The following AMER1 variants were observed in gnomAD, a reference collection of about 807,000 sequenced individuals.
AMER1 encodes APC membrane recruitment protein 1.
Under a neutral mutation model 53.0 loss-of-function variants are expected in AMER1, and 16 were observed. The ratio of observed to expected loss-of-function variants is 0.30; its 90% CI spans 0.20 to 0.46. The LOEUF is 0.46. Ranked by LOEUF, AMER1 falls within the 20% of genes least tolerant of loss-of-function variation. The probability of loss-of-function intolerance (pLI) is 1.00; values close to 1 mark genes in which losing one functional copy is unlikely to be tolerated. For missense variants in AMER1, 947 were observed against 884.9 expected (o/e 1.07, Z -0.89); for synonymous variants, 354 against 331.9 (o/e 1.07, Z -0.73).
chrX:64,198,016 G>T (rs1200256776), intron 1 of AMER1, among the ~76,000 whole-genome samples: 5 of 112,373 alleles, frequency 4.4e-5, no homozygotes, highest in African/African-American at 1.6e-4. Context: ...ATCTCAGTCA[G>T]GTTGAGTAGG....
In AMER1 at chrX:64,190,620, G is replaced by A. The variant is rs2147085567; in HGVS notation, c.2667C>T (p.Leu889=). The A allele has an allele frequency of 2.5e-6, 3 of 1,211,902 alleles. No homozygotes were observed. The African/African-American group carries it at 5.2e-5, about 21-fold the overall frequency. ...HPRPPPAAMA[L]NRRSRSLDTA... ...TGTCGAGAGAGCGGCTTCTCCTGTT[G>A]AGGGCCATAGCAGCAGGTGGAGGTC... The change falls in exon 2 of 2, where the codon CTC becomes CTT. Residue 889 remains leucine (L), a synonymous_variant. Transcript: ENST00000374869.
chrX:64,191,314 G>A lies in AMER1; in HGVS notation c.1973C>T (p.Pro658Leu), dbSNP rs773774270. The change falls in exon 2 of 2, where the codon CCC becomes CTC. Residue 658 changes from proline to leucine, a missense_variant. By Grantham distance (98) the Pro-to-Leu change is moderately conservative (BLOSUM62 -3). Transcript: ENST00000374869. Reference sequence around the variant, plus strand: ...CAGGCCCATCACTGATGGGCCTAAGGGCCTCATCTGATACTCTAAGACGGG... The same window carrying A: ...CAGGCCCATCACTGATGGGCCTAAGAGCCTCATCTGATACTCTAAGACGGG... ...EKPVLEYQMR[P>L]LGPSVMGLAA... The A allele has an allele frequency of 3.3e-6, 4 of 1,211,493 alleles. No homozygotes were observed. Among genetic ancestry groups the A allele is most frequent in the Admixed American group, 4.3e-5 (2 of 46,062 alleles).
chrX:64,194,582 G>T (rs1416037340), intron 1 of AMER1, among the ~76,000 whole-genome samples: 1 of 111,235 alleles, frequency 9.0e-6, no homozygotes, highest in Admixed American at 9.6e-5. Flanking sequence ...TCACCAATTT[G>T]TCCCCTCTCT....
intron 1 of AMER1, among the ~76,000 whole-genome samples, chrX:64,198,970 C>G (rs1430777974): frequency 8.9e-6 from 1 of 112,702 alleles, no homozygotes; most frequent in Non-Finnish European, 1.9e-5. Context: ...ATTTTTAACA[C>G]CCATAGCCAA....
rs2147087711 is a variant in AMER1 at position 64,191,620 on chromosome X, G to C, written c.1667C>G (p.Thr556Arg). ...GATGGTCACTAGCCGTTCTTCCTCTGTCTCCATTGCCCCAGGTGGCCGGGA... is the reference window on the plus strand; with the variant it reads ...GATGGTCACTAGCCGTTCTTCCTCTCTCTCCATTGCCCCAGGTGGCCGGGA... Reference protein sequence around the residue: ...LSSRPPGAMETEEERLVTIQK... With the variant: ...LSSRPPGAMEREEERLVTIQK... Residue 556 changes from threonine (T) to arginine (R), a missense_variant, in exon 2 of 2, where the codon ACA becomes AGA. Coordinates refer to ENST00000374869, the MANE Select transcript of AMER1 (RefSeq NM_152424.4). The C allele has an allele frequency of 1.6e-6, 2 of 1,212,394 alleles. No homozygotes were observed. Among genetic ancestry groups the C allele is most frequent in the Non-Finnish European group, 2.2e-6 (2 of 895,678 alleles).
chrX:64,188,000 C>A lies in AMER1; in HGVS notation c.*1879G>T. On this transcript the variant is annotated 3_prime_UTR_variant, in exon 2 of 2. Coordinates refer to ENST00000374869, the MANE Select transcript of AMER1 (RefSeq NM_152424.4). The stretch of plus-strand genomic sequence containing the variant: ...GTGCTTCCAGGGGTGCAGCTTCTAC[C>A]AGCCAGGTCTGCTATTTGTGAGTAA... The A allele has an allele frequency of 3.2e-5, 25 of 781,544 alleles. No individual in the cohort carries two copies. The highest frequency in any genetic ancestry group is 3.8e-5 in the Non-Finnish European group (25 of 655,432). The allele number at this position is 781,544 out of a possible 1,213,427, so 64.4% of individuals were successfully genotyped here.
intron 1 of AMER1, among the ~76,000 whole-genome samples, chrX:64,201,754 C>T: frequency 8.9e-6 from 1 of 112,390 alleles, no homozygotes; most frequent in Admixed American, 9.4e-5. Context: ...TTCTACCTGC[C>T]AGGCTTGCTA....
At chrX:64,200,084 G>A (rs1930454205) in intron 1 of AMER1, among the ~76,000 whole-genome samples, 1 of 112,687 alleles carries the variant, frequency 8.9e-6, no homozygotes, top group Non-Finnish European at 1.9e-5. Flanking sequence ...GAATGACAGG[G>A]ACTTTGGGAG....
chrX:64,199,363 C>A (rs1930439680), intron 1 of AMER1, among the ~76,000 whole-genome samples: 2 of 112,224 alleles, frequency 1.8e-5, no homozygotes, highest in African/African-American at 3.2e-5. Context: ...CAACTGAATT[C>A]TAATTCACCT....
intron 1 of AMER1, among the ~76,000 whole-genome samples, chrX:64,196,923 C>A (rs181523551): frequency 6.5e-4 from 73 of 112,395 alleles, no homozygotes; most frequent in African/African-American, 2.3e-3. Context: ...CGTAGCCCCA[C>A]CTAGCTACCT....
Position 64,187,110 on chromosome X carries a change from A to G in AMER1, c.*2769T>C, listed in dbSNP as rs936878428. 3.6e-5 allele frequency: 28 copies of G among 786,178 alleles called. No individual in the cohort carries two copies. Among genetic ancestry groups the G allele is most frequent in the Non-Finnish European group, 3.9e-5 (26 of 658,420 alleles). The allele number at this position is 786,178 out of a possible 1,213,427, so 64.8% of individuals were successfully genotyped here. A position where few individuals can be genotyped will look rare whatever the true frequency, so the allele number is the denominator to read the frequency against. ...TGTATTTGCTGCCACCCAAGCCAGC[A>G]CTAGTCTGTGTTTGGAAACAGGCCT... On this transcript the variant is annotated 3_prime_UTR_variant, in exon 2 of 2. Transcript: ENST00000374869.
chrX:64,190,483 T>A lies in AMER1; in HGVS notation c.2804A>T (p.Glu935Val), dbSNP rs2147085275. ...GTCTCGGCTCCATTCTCCTTCTTCCTCCTCTTCGTCCTCCTCATCTGAATC... is the reference window on the plus strand; with the variant it reads ...GTCTCGGCTCCATTCTCCTTCTTCCACCTCTTCGTCCTCCTCATCTGAATC... Reference protein sequence around the residue: ...QEDSDEEDEEEEEGEWSRDSP... With the variant: ...QEDSDEEDEEVEEGEWSRDSP... The change falls in exon 2 of 2, where the codon GAG becomes GTG. Residue 935 changes from glutamate to valine, a missense_variant. Transcript: ENST00000374869. The A allele has an allele frequency of 8.3e-7, 1 of 1,211,574 alleles. No homozygotes were observed. Among genetic ancestry groups the A allele is most frequent in the African/African-American group, 1.7e-5 (1 of 57,688 alleles).
rs1483649556 is a variant in AMER1 at position 64,189,265 on chromosome X, A to G, written c.*614T>C. 2.5e-6 allele frequency: 2 copies of G among 791,446 alleles called. No individual in the cohort carries two copies. The highest frequency in any genetic ancestry group is 4.5e-5 in the African/African-American group (2 of 44,216). 65.2% of individuals were successfully genotyped at this position (791,446 alleles called of 1,213,427 possible). A position where few individuals can be genotyped will look rare whatever the true frequency, so the allele number is the denominator to read the frequency against. ...ATAATGATGGCAGCTATGCCAGGCC[A>G]AAAGGAATAGGGGTGGGGAGGATCT... is the stretch of plus-strand genomic sequence containing the variant. On this transcript the variant is annotated 3_prime_UTR_variant, in exon 2 of 2. Transcript: ENST00000374869.
intron 1 of AMER1, among the ~76,000 whole-genome samples, chrX:64,203,228 A>AT (rs1457347238): frequency 1.8e-5 from 2 of 111,355 alleles, no homozygotes; most frequent in South Asian, 7.6e-4. Context: ...ATATATCATG[A>AT]TTTTTTTCTT....
intron 1 of AMER1, 26 bp from the exon 2 acceptor site, chrX:64,193,410 CAG>C: frequency 9.7e-7 from 1 of 1,029,854 alleles, no homozygotes; most frequent in Non-Finnish European, 1.3e-6. Flanking sequence ...GAGACAAAGA[CAG>C]AGAGACAGAT....
At chrX:64,195,006 T>A (rs957997125) in intron 1 of AMER1, among the ~76,000 whole-genome samples, 1 of 111,812 alleles carries the variant, frequency 8.9e-6, no homozygotes, top group African/African-American at 3.3e-5. Flanking sequence ...AAAGAGCAGG[T>A]GAAAAGGAAA....
At chrX:64,202,856 T>C (rs1930517115) in intron 1 of AMER1, among the ~76,000 whole-genome samples, 1 of 111,906 alleles carries the variant, frequency 8.9e-6, no homozygotes, top group Non-Finnish European at 1.9e-5. Flanking sequence ...CCCTACTCTT[T>C]GATGCCGCCT....
intron 1 of AMER1, among the ~76,000 whole-genome samples, chrX:64,198,481 C>G (rs1930421712): frequency 9.0e-6 from 1 of 111,666 alleles, no homozygotes; most frequent in Non-Finnish European, 1.9e-5. Context: ...GAAATGGTGA[C>G]AGAGCCACAC....
intron 1 of AMER1, among the ~76,000 whole-genome samples, chrX:64,199,834 G>T (rs936052274): frequency 2.7e-5 from 3 of 112,206 alleles, no homozygotes; most frequent in African/African-American, 9.7e-5. Flanking sequence ...ACAGGATAAG[G>T]GCCAAAACCC....
Sources: gnomAD v4.1 joint callset for allele counts (sites outside exome capture counted in the v4.1 genomes callset) on GRCh38, gnomAD v4.1.1 for gene constraint, MANE v1.5 for transcripts, NCBI Gene and HGNC (gene_info 2026-07-23, HGNC 2026-07-21) for gene names.